SLC23A2: variants seen among roughly 807,000 people sequenced by gnomAD.
SLC23A2 encodes Na(+)/L-ascorbic acid transporter 2.
A neutral mutation model predicts 73.3 loss-of-function variants in SLC23A2; 36 were observed. The ratio of observed to expected loss-of-function variants is 0.49; its 90% CI spans 0.38 to 0.65. The LOEUF (loss-of-function observed/expected upper bound fraction) is 0.65. Among genes scored for constraint, SLC23A2 ranks in the 30% least tolerant of loss-of-function variants. The probability of loss-of-function intolerance (pLI) is 0.00; values close to 1 mark genes in which losing one functional copy is unlikely to be tolerated. For synonymous variants in SLC23A2, 343 were observed against 327.3 expected (o/e 1.05, Z -0.52); for missense variants, 507 against 841.6 (o/e 0.60, Z 4.92).
chr20:4,981,412 T>TTTC (rs1454557825), intron 1 of SLC23A2, among the ~76,000 whole-genome samples: 2 of 152,168 alleles, frequency 1.3e-5, no homozygotes, highest in African/African-American at 4.8e-5. Context: ...TGAATTTTAG[T>TTTC]TTATTTATAG....
At chr20:4,940,021 G>A (rs2087015930) in intron 2 of SLC23A2, among the ~76,000 whole-genome samples, 1 of 152,098 alleles carries the variant, frequency 6.6e-6, no homozygotes, top group Non-Finnish European at 1.5e-5. Context: ...AAATCCTCTA[G>A]AAGAATAAGC....
chr20:4,995,205 T>C (rs2087999682), intron 1 of SLC23A2, among the ~76,000 whole-genome samples: 2 of 152,092 alleles, frequency 1.3e-5, no homozygotes, highest in Admixed American at 1.3e-4. Context: ...AGAAGATTCC[T>C]ACAGGAACAA....
At chr20:4,983,480 A>C (rs901604550) in intron 1 of SLC23A2, among the ~76,000 whole-genome samples, 1 of 136,086 alleles carries the variant, frequency 7.3e-6, no homozygotes, top group African/African-American at 3.4e-5. Context: ...CCCCGTCTCT[A>C]CTAAAAATAC....
At chr20:4,860,557 G>A (rs112122679) in intron 15 of SLC23A2, among the ~76,000 whole-genome samples, 2,040 of 152,274 alleles carry the variant, frequency 0.013, 46 homozygotes, top group African/African-American at 0.046. Context: ...CCCCAGCAAT[G>A]GTTCAGTATT....
At chr20:4,986,910 G>T (rs1190718527) in intron 1 of SLC23A2, among the ~76,000 whole-genome samples, 2 of 152,072 alleles carry the variant, frequency 1.3e-5, no homozygotes, top group Non-Finnish European at 2.9e-5. Flanking sequence ...ATCTACTTTG[G>T]TAAGTCAAGT....
chr20:4,892,932 G>A (rs949660836), intron 6 of SLC23A2, among the ~76,000 whole-genome samples: 9 of 152,006 alleles, frequency 5.9e-5, no homozygotes, highest in African/African-American at 1.2e-4. Context: ...AGTTAAATAC[G>A]AACTGCATAT....
chr20:4,856,925 TAC>T lies in SLC23A2; in HGVS notation c.*45_*46del, dbSNP rs1490325118. ...TACTTCTTGTTACTCAGCAAGGAAC[TAC>T]AGATACATGCCTCACTGCGGCCAGG... is the stretch of plus-strand genomic sequence containing the variant. On this transcript the variant is annotated 3_prime_UTR_variant, in exon 17 of 17. Transcript: ENST00000338244. This position sits in a 1 kb window ranked among gnomAD's most constrained non-coding sequence, Gnocchi z 4.6. 8.3e-7 allele frequency: 1 copy of T among 1,209,798 alleles called. No individual in the cohort carries two copies. The highest frequency in any genetic ancestry group is 1.2e-5 in the South Asian group (1 of 80,516). The allele number at this position is 1,209,798 out of a possible 1,614,324, so 74.9% of individuals were successfully genotyped here. A position where few individuals can be genotyped will look rare whatever the true frequency, so the allele number is the denominator to read the frequency against.
At position 4,856,795 on chromosome 20, in the gene SLC23A2, G is replaced by A. The variant is rs1041802641; in HGVS notation, c.*177C>T. Reference sequence around the variant, plus strand: ...TAAGGGCTTAAATAAGGAGATAGGCGAGACACCGCATCAGGCACCATCACC... The same window carrying A: ...TAAGGGCTTAAATAAGGAGATAGGCAAGACACCGCATCAGGCACCATCACC... On this transcript the variant is annotated 3_prime_UTR_variant, in exon 17 of 17. Transcript: ENST00000338244. The surrounding 1 kb of genome is among the most constrained non-coding windows in gnomAD (Gnocchi z 4.6). 5 of 591,486 alleles carry A rather than the reference G, an allele frequency of 8.5e-6. No individual in the cohort carries two copies. The highest frequency in any genetic ancestry group is 3.7e-5 in the African/African-American group (2 of 53,672). The allele number at this position is 591,486 out of a possible 1,614,324, so 36.6% of individuals were successfully genotyped here.
chr20:4,939,255 G>A (rs763328726), intron 2 of SLC23A2, among the ~76,000 whole-genome samples: 7 of 152,166 alleles, frequency 4.6e-5, no homozygotes, highest in African/African-American at 1.4e-4. Flanking sequence ...TCCAACGTTT[G>A]TGGACTGATA....
chr20:4,920,033 G>A (rs1932452469), intron 3 of SLC23A2, among the ~76,000 whole-genome samples: 1 of 152,222 alleles, frequency 6.6e-6, no homozygotes, highest in African/African-American at 2.4e-5. Context: ...GGCCAAGACG[G>A]GTGGATCACT....
chr20:4,930,768 A>G (rs1325718935), intron 3 of SLC23A2, among the ~76,000 whole-genome samples: 3 of 152,008 alleles, frequency 2.0e-5, no homozygotes, highest in Non-Finnish European at 2.9e-5. Context: ...GCAGTGAGCC[A>G]AGATGGTGCC....
intron 3 of SLC23A2, among the ~76,000 whole-genome samples, chr20:4,914,183 AG>A (rs1420094202): frequency 6.6e-6 from 1 of 151,646 alleles, no homozygotes; most frequent in Non-Finnish European, 1.5e-5. Context: ...AGATATAAAA[AG>A]GGTCAGTATC....
At chr20:4,971,192 C>A (rs1437684238) in intron 1 of SLC23A2, among the ~76,000 whole-genome samples, 1 of 151,812 alleles carries the variant, frequency 6.6e-6, no homozygotes, top group Non-Finnish European at 1.5e-5. Context: ...TTCAGCCAGG[C>A]ACAGTGGCTC....
intron 2 of SLC23A2, among the ~76,000 whole-genome samples, chr20:4,950,027 A>G (rs1037976949): frequency 2.0e-5 from 3 of 152,178 alleles, no homozygotes; most frequent in African/African-American, 7.2e-5. Context: ...GTATAACCGC[A>G]CCACCTCATT....
intron 2 of SLC23A2, among the ~76,000 whole-genome samples, chr20:4,945,507 C>G (rs2087107369): frequency 6.6e-6 from 1 of 152,112 alleles, no homozygotes; most frequent in Non-Finnish European, 1.5e-5. Context: ...TGGTCTCGAA[C>G]TCCTGAGCTC....
intron 1 of SLC23A2, among the ~76,000 whole-genome samples, chr20:4,982,411 A>G (rs531048689): frequency 6.6e-6 from 1 of 152,322 alleles, no homozygotes; most frequent in East Asian, 1.9e-4. Flanking sequence ...TTTTTCAGTT[A>G]AAAATATGTA....
intron 3 of SLC23A2, among the ~76,000 whole-genome samples, chr20:4,929,705 T>C (rs1932764362): frequency 6.6e-6 from 1 of 152,000 alleles, no homozygotes; most frequent in South Asian, 2.1e-4. Flanking sequence ...AAATAAAAAT[T>C]TTAGAAGAAG....
In SLC23A2 at chr20:4,976,405, G is replaced by A. The variant is rs147299628; in HGVS notation, c.-281-5486C>T. On this transcript the variant is annotated intron_variant, in intron 1 of 16. Transcript: ENST00000338244. ...GAAAGTCCCTCCCCGGCCGGGCACG[G>A]TGGCTAACGCCTGTAATCCCAGCAC... Among the ~76,000 whole-genome samples the A allele has an allele frequency of 1.0e-3, 154 of 152,204 alleles. 1 individual carries two copies. The East Asian group carries it at 0.015, about 15-fold the overall frequency.
At chr20:4,858,086 A>G (rs915587299) in intron 16 of SLC23A2, among the ~76,000 whole-genome samples, 1 of 152,234 alleles carries the variant, frequency 6.6e-6, no homozygotes, top group African/African-American at 2.4e-5. Flanking sequence ...GCCTTCATCA[A>G]CCAGTCACTG....
Sources: allele counts gnomAD v4.1 joint callset (sites outside exome capture counted in the v4.1 genomes callset), GRCh38; gene constraint gnomAD v4.1.1; non-coding constraint Gnocchi (gnomAD v3.1); transcripts MANE v1.5; gene names NCBI Gene and HGNC (gene_info 2026-07-23, HGNC 2026-07-21).